The following SLC12A8 variants were observed in gnomAD, a reference collection of about 807,000 sequenced individuals.
SLC12A8 encodes the protein solute carrier family 12 member 8.
A neutral mutation model predicts 75.6 loss-of-function variants in SLC12A8; 69 were observed. That is an observed-to-expected ratio of 0.91 (90% CI 0.75 to 1.11). The LOEUF (loss-of-function observed/expected upper bound fraction) is 1.11, where lower values mean the gene tolerates loss of function less well. SLC12A8 is among the 50% of genes most tolerant of loss of function. The probability of loss-of-function intolerance (pLI) is 0.00; values close to 1 mark genes in which losing one functional copy is unlikely to be tolerated. For synonymous variants in SLC12A8, 365 were observed against 372.8 expected, an observed-to-expected ratio of 0.98 and a Z score of 0.24; for missense variants, 877 against 896.7, an observed-to-expected ratio of 0.98 and a Z score of 0.28.
intron 6 of SLC12A8, among the ~76,000 whole-genome samples, chr3:125,131,053 G>A (rs1054574249): frequency 6.6e-6 from 1 of 152,234 alleles, no homozygotes; most frequent in Non-Finnish European, 1.5e-5. Flanking sequence ...TTTGTGTGTG[G>A]AAGGAAAGAG....
chr3:125,128,422 C>T (rs1165681021), intron 6 of SLC12A8, among the ~76,000 whole-genome samples: 3 of 144,194 alleles, frequency 2.1e-5, no homozygotes, highest in South Asian at 2.3e-4. Flanking sequence ...CCTCGTGATC[C>T]GCCCGCCTCG....
At chr3:125,172,689 G>A (rs1025374118) in intron 5 of SLC12A8, among the ~76,000 whole-genome samples, 8 of 152,192 alleles carry the variant, frequency 5.3e-5, no homozygotes, top group East Asian at 3.8e-4. Context: ...TAACTAATAC[G>A]TGGACCAATC....
At chr3:125,087,093 C>CTTTTTTT (rs369422119) in intron 13 of SLC12A8, among the ~76,000 whole-genome samples, 1 of 131,262 alleles carries the variant, frequency 7.6e-6, no homozygotes, top group African/African-American at 2.9e-5. Context: ...ATGTATTTCA[C>CTTTTTTT]TTTTTTTTTT....
intron 4 of SLC12A8, among the ~76,000 whole-genome samples, chr3:125,179,727 GAGAGAA>G (rs1185124228): frequency 0.019 from 2,790 of 150,386 alleles, 81 homozygotes; most frequent in African/African-American, 0.064. Flanking sequence ...GAGAGAGAGA[GAGAGAA>G]AGAGAAAGAC....
chr3:125,087,147 T>C (rs1386925059), intron 13 of SLC12A8, among the ~76,000 whole-genome samples: 1 of 148,834 alleles, frequency 6.7e-6, no homozygotes, highest in Non-Finnish European at 1.5e-5. Flanking sequence ...TAGACTGGAG[T>C]TCAGTGGCAC....
At chr3:125,141,482 G>A (rs1312020719) in intron 5 of SLC12A8, among the ~76,000 whole-genome samples, 1 of 152,226 alleles carries the variant, frequency 6.6e-6, no homozygotes, top group Non-Finnish European at 1.5e-5. Context: ...TGGGACCCTT[G>A]CCCTGGGTAG....
At chr3:125,087,188 G>A (rs928412228) in intron 13 of SLC12A8, among the ~76,000 whole-genome samples, 10 of 149,800 alleles carry the variant, frequency 6.7e-5, no homozygotes, top group African/African-American at 2.5e-4. Flanking sequence ...TCTGCCTCTC[G>A]GGTTCAAGCG....
intron 5 of SLC12A8, among the ~76,000 whole-genome samples, chr3:125,168,432 G>A (rs555533189): frequency 1.2e-4 from 19 of 152,190 alleles, no homozygotes; most frequent in Non-Finnish European, 1.9e-4. Flanking sequence ...GACAGGAGCT[G>A]GCGATATGAG....
intron 5 of SLC12A8, among the ~76,000 whole-genome samples, chr3:125,148,180 C>A (rs1013889034): frequency 5.3e-5 from 8 of 152,178 alleles, no homozygotes; most frequent in African/African-American, 1.9e-4. Context: ...TCACATTAGG[C>A]CAACAAGGAC....
intron 5 of SLC12A8, among the ~76,000 whole-genome samples, chr3:125,160,890 T>C (rs1467859476): frequency 2.0e-5 from 3 of 152,200 alleles, no homozygotes; most frequent in Non-Finnish European, 2.9e-5. Context: ...CTGGGAGAAC[T>C]GGGTTCCAAC....
Position 125,187,280 on chromosome 3 carries a change from C to G in SLC12A8, c.347G>C (p.Gly116Ala). 6.2e-7 allele frequency: 1 copy of G among 1,614,164 alleles called. No individual in the cohort carries two copies. Among genetic ancestry groups the G allele is most frequent in the South Asian group, 1.1e-5 (1 of 91,078 alleles). ...CAGCCCGATGGTGCCTCCCGTCTGCCCACCCAGGACCGAGGAGATCATGGA... is the reference window on the plus strand; with the variant it reads ...CAGCCCGATGGTGCCTCCCGTCTGCGCACCCAGGACCGAGGAGATCATGGA... ...VYSMISSVLG[G>A]QTGGTIGLLY... Residue 116 changes from glycine (G) to alanine (A), a missense_variant, in exon 4 of 14, where the codon GGG (glycine) becomes GCG (alanine). Physicochemically the swap from Gly to Ala is moderately conservative, Grantham distance 60. Coordinates refer to ENST00000469902, the MANE Select transcript of SLC12A8 (RefSeq NM_024628.6).
At chr3:125,157,190 A>G (rs1934069001) in intron 5 of SLC12A8, among the ~76,000 whole-genome samples, 1 of 152,192 alleles carries the variant, frequency 6.6e-6, no homozygotes, top group South Asian at 2.1e-4. Flanking sequence ...TAAATTAAAT[A>G]TGTATAGTTC....
At chr3:125,135,961 C>T (rs1933482868) in intron 5 of SLC12A8, among the ~76,000 whole-genome samples, 179 bp from the exon 6 acceptor site, 1 of 152,118 alleles carries the variant, frequency 6.6e-6, no homozygotes, top group Non-Finnish European at 1.5e-5. Flanking sequence ...CTAGGGTTGA[C>T]TTTTGTGTGC....
At chr3:125,118,441 T>G (rs1353637573) in intron 8 of SLC12A8, among the ~76,000 whole-genome samples, 1 of 151,878 alleles carries the variant, frequency 6.6e-6, no homozygotes, top group Non-Finnish European at 1.5e-5. Flanking sequence ...CTGGGCAACA[T>G]GGTGAGACCT....
chr3:125,132,125 T>C lies in SLC12A8; in HGVS notation c.736+3544A>G, dbSNP rs1028823607. Among the ~76,000 whole-genome samples, 6 of 152,218 alleles carry C rather than the reference T, an allele frequency of 3.9e-5. No individual in the cohort carries two copies. In the East Asian group the frequency reaches 1.2e-3, roughly 29 times the overall value. ...GAGCCCCCCAAACATGTCTGGGTAC[T>C]GTTTAAAACCCTAAGCCCCTGGAGC... On this transcript the variant is annotated intron_variant, in intron 6 of 13. Transcript: ENST00000469902.
Position 125,149,425 on chromosome 3 carries a change from G to A in SLC12A8, c.623-13643C>T, listed in dbSNP as rs148864760. ...CATCAGAATCAATCTCAGAACAAGA[G>A]GGAGGCCTAAGGCATGCCTGCTGCT... is the stretch of plus-strand genomic sequence containing the variant. On this transcript the variant is annotated intron_variant, in intron 5 of 13. Coordinates refer to ENST00000469902, the MANE Select transcript of SLC12A8 (RefSeq NM_024628.6). Among the ~76,000 whole-genome samples, 1,075 of 152,294 alleles carry A rather than the reference G, an allele frequency of 7.1e-3. 13 individuals carry two copies. The highest frequency in any genetic ancestry group is 0.025 in the African/African-American group (1,026 of 41,544).
At chr3:125,158,345 C>A (rs938129036) in intron 5 of SLC12A8, among the ~76,000 whole-genome samples, 10 of 152,154 alleles carry the variant, frequency 6.6e-5, no homozygotes, top group African/African-American at 2.2e-4. Flanking sequence ...CTCAGCCTCC[C>A]GAGTAGCTGG....
chr3:125,147,540 C>T (rs999731), intron 5 of SLC12A8, among the ~76,000 whole-genome samples: 23,270 of 152,048 alleles, frequency 0.15, 2,302 homozygotes, highest in Non-Finnish European at 0.22. Flanking sequence ...TCCTCAAGGT[C>T]AGAGACAAGT....
rs1939149150 is a variant in SLC12A8, at chr3:125,110,107, G to A, written c.1059+82C>T. On this transcript the variant is annotated intron_variant, in intron 9 of 13. Transcript: ENST00000469902. ...TTGACCAGAGGCTCTGATCAGAAAA[G>A]CTTAACCAATTGATGGGCCAACAGT... The A allele has an allele frequency of 2.8e-6, 4 of 1,428,190 alleles. No individual in the cohort carries two copies. In the Admixed American group the frequency reaches 7.9e-5, roughly 28 times the overall value. 88.5% of individuals were successfully genotyped at this position (1,428,190 alleles called of 1,614,324 possible). A position where few individuals can be genotyped will look rare whatever the true frequency, so the allele number is the denominator to read the frequency against.
Sources: allele counts gnomAD v4.1 joint callset (sites outside exome capture counted in the v4.1 genomes callset), GRCh38; gene constraint gnomAD v4.1.1; transcripts MANE v1.5; gene names NCBI Gene and HGNC (gene_info 2026-07-23, HGNC 2026-07-21).